The following SKIC8 variants were observed in gnomAD, a reference collection of about 807,000 sequenced individuals.
SKIC8 encodes SKI8 subunit of superkiller complex.
chr15:78,285,151 G>C, the SKIC8 span: 2 of 978,610 alleles, frequency 2.0e-6, no homozygotes, highest in East Asian at 5.1e-5. Context: ...CTCAGGCCCA[G>C]GCATCTACTG....
the SKIC8 span, among the ~76,000 whole-genome samples, chr15:78,298,350 T>C: frequency 6.6e-6 from 1 of 152,240 alleles, no homozygotes; most frequent in Non-Finnish European, 1.5e-5. Context: ...AATCCGGTCC[T>C]ATTTTAAGTA....
At chr15:78,295,484 C>A in the SKIC8 span, 1 of 664,006 alleles carries the variant, frequency 1.5e-6, no homozygotes, top group Non-Finnish European at 2.7e-6. Context: ...ATGAACCAAT[C>A]CTCCTCTCAG....
the SKIC8 span, chr15:78,291,994 C>A: frequency 6.6e-6 from 1 of 152,414 alleles, no homozygotes; most frequent in Non-Finnish European, 1.5e-5. Context: ...TAATTTCTGT[C>A]ATCTCAGATG....
the SKIC8 span, chr15:78,295,581 A>G: frequency 6.4e-7 from 1 of 1,554,646 alleles, no homozygotes; most frequent in African/African-American, 1.4e-5. Flanking sequence ...CAAGAATGAG[A>G]TGCTAGTTTC....
chr15:78,295,347 G>A, the SKIC8 span: 2 of 570,886 alleles, frequency 3.5e-6, no homozygotes, highest in African/African-American at 3.8e-5. Context: ...TATTAACTTT[G>A]TCCCTAATCT....
the SKIC8 span, chr15:78,290,034 T>A: frequency 6.2e-7 from 1 of 1,614,164 alleles, no homozygotes; most frequent in South Asian, 1.1e-5. Flanking sequence ...ATGTTCACTT[T>A]CCCGACATGA....
At chr15:78,288,088 C>T in the SKIC8 span, among the ~76,000 whole-genome samples, 1 of 152,176 alleles carries the variant, frequency 6.6e-6, no homozygotes, top group Admixed American at 6.5e-5. Flanking sequence ...CCAGGGAACC[C>T]ATGCACATCC....
At chr15:78,291,111 A>C in the SKIC8 span, 45 of 152,280 alleles carry the variant, frequency 3.0e-4, no homozygotes, top group African/African-American at 1.0e-3. Flanking sequence ...TCATAACAGT[A>C]ACCTTTAAAA....
the SKIC8 span, chr15:78,283,645 T>C: frequency 2.8e-6 from 2 of 718,324 alleles, no homozygotes; most frequent in Non-Finnish European, 4.4e-6. Context: ...GTTCTTGTAC[T>C]TTCTAAATCA....
the SKIC8 span, chr15:78,289,782 C>A: frequency 6.5e-7 from 1 of 1,544,188 alleles, no homozygotes; most frequent in Non-Finnish European, 8.9e-7. Context: ...CTACCAAACA[C>A]AAGCAAACCT....
chr15:78,295,066 T>G, the SKIC8 span: 1 of 1,465,646 alleles, frequency 6.8e-7, no homozygotes, highest in Non-Finnish European at 9.5e-7. Flanking sequence ...GTAGACAGAG[T>G]CACCACAGTG....
At chr15:78,285,221 A>G in the SKIC8 span, 4 of 1,601,352 alleles carry the variant, frequency 2.5e-6, no homozygotes, top group Non-Finnish European at 3.4e-6. Context: ...CAATGGTCAA[A>G]CAACCCCGAC....
the SKIC8 span, chr15:78,293,393 C>T: frequency 1.8e-5 from 17 of 921,576 alleles, no homozygotes; most frequent in Admixed American, 4.2e-4. Flanking sequence ...TTACAAAGTG[C>T]TTTCCTATAC....
chr15:78,288,437 C>T, the SKIC8 span: 2 of 1,546,600 alleles, frequency 1.3e-6, no homozygotes, highest in Non-Finnish European at 1.8e-6. Context: ...CCTCACTCAG[C>T]TTCCCACTGA....
the SKIC8 span, chr15:78,292,763 A>G: frequency 6.2e-7 from 1 of 1,613,994 alleles, no homozygotes; most frequent in Non-Finnish European, 8.5e-7. Context: ...TCCAGACTCC[A>G]CTGTAGGTCC....
the SKIC8 span, chr15:78,288,996 T>C: frequency 2.4e-6 from 1 of 424,668 alleles, no homozygotes; most frequent in East Asian, 7.0e-5. Context: ...GACATTCATA[T>C]AGCAAATATA....
the SKIC8 span, among the ~76,000 whole-genome samples, chr15:78,294,299 T>A: frequency 6.6e-6 from 1 of 152,184 alleles, no homozygotes; most frequent in East Asian, 1.9e-4. Context: ...TTCCACAAAT[T>A]CCTTAGGCCT....
At chr15:78,296,324 T>C in the SKIC8 span, among the ~76,000 whole-genome samples, 1 of 152,084 alleles carries the variant, frequency 6.6e-6, no homozygotes, top group African/African-American at 2.4e-5. Context: ...GAGAATCACT[T>C]GAACCTAGGC....
the SKIC8 span, chr15:78,285,913 G>A: frequency 1.4e-6 from 1 of 713,592 alleles, no homozygotes; most frequent in Non-Finnish European, 2.2e-6. Context: ...AAAATTTTAA[G>A]AACTGCAGAA....
Sources: gnomAD v4.1 joint callset for allele counts (sites outside exome capture counted in the v4.1 genomes callset) on GRCh38, gnomAD v4.1.1 for gene constraint, MANE v1.5 for transcripts, NCBI Gene and HGNC (gene_info 2026-07-23, HGNC 2026-07-21) for gene names.